The following SPAG16 variants were observed in gnomAD, a reference collection of about 807,000 sequenced individuals.
SPAG16 encodes sperm-associated antigen 16 protein.
SPAG16 carries 86 observed loss-of-function variants against 80.4 expected under a neutral mutation model. The observed-to-expected ratio is 1.07, with a 90% CI of 0.90 to 1.28. The LOEUF (loss-of-function observed/expected upper bound fraction) is 1.28. SPAG16 is among the 50% of genes most tolerant of loss of function. SPAG16 has a pLI of 0.00. For synonymous variants in SPAG16, 294 were observed against 265.9 expected (o/e 1.11, Z -1.03); for missense variants, 870 against 765.3 (o/e 1.14, Z -1.61).
chr2:213,307,512 A>G (rs1170496087), intron 3 of SPAG16, among the ~76,000 whole-genome samples: 2 of 141,898 alleles, frequency 1.4e-5, no homozygotes, highest in East Asian at 4.1e-4. Flanking sequence ...AATTTCATCC[A>G]TGTCCCTACA....
intron 10 of SPAG16, among the ~76,000 whole-genome samples, chr2:213,742,547 C>CTTTT (rs35850810): frequency 2.0e-4 from 5 of 24,810 alleles, no homozygotes; most frequent in African/African-American, 1.9e-4. Context: ...TTGCTTATTT[C>CTTTT]TTTTTTTTTT....
At chr2:213,791,298 A>G (rs539616861) in intron 10 of SPAG16, among the ~76,000 whole-genome samples, 6 of 152,142 alleles carry the variant, frequency 3.9e-5, no homozygotes, top group African/African-American at 1.4e-4. Flanking sequence ...GTTTGAAAAA[A>G]AAAACATAAA....
At chr2:213,836,162 A>C (rs1227896988) in intron 10 of SPAG16, among the ~76,000 whole-genome samples, 1 of 137,336 alleles carries the variant, frequency 7.3e-6, no homozygotes, top group Admixed American at 8.0e-5. Flanking sequence ...AAACTTAAGG[A>C]ATTTTCATTA....
chr2:213,476,506 C>G (rs530384948), intron 9 of SPAG16, among the ~76,000 whole-genome samples: 1 of 152,348 alleles, frequency 6.6e-6, no homozygotes, highest in South Asian at 2.1e-4. Context: ...ACTATCCACT[C>G]TTAACTGGCT....
At chr2:213,689,280 T>C (rs2064832039) in intron 10 of SPAG16, among the ~76,000 whole-genome samples, 1 of 152,210 alleles carries the variant, frequency 6.6e-6, no homozygotes, top group African/African-American at 2.4e-5. Flanking sequence ...TGTCTAATTT[T>C]ATCATCTGTG....
chr2:213,408,041 G>C (rs1174758587), intron 9 of SPAG16, among the ~76,000 whole-genome samples: 3 of 150,360 alleles, frequency 2.0e-5, no homozygotes, highest in Non-Finnish European at 4.4e-5. Context: ...GAGAGGCAGA[G>C]AGAGACAGGC....
At chr2:214,330,148 G>A (rs1327765619) in intron 15 of SPAG16, among the ~76,000 whole-genome samples, 1 of 151,550 alleles carries the variant, frequency 6.6e-6, no homozygotes, top group East Asian at 1.9e-4. Flanking sequence ...TTGGTGGCGG[G>A]TGCCTGTAAT....
At chr2:214,197,722 G>C (rs1266444449) in intron 15 of SPAG16, among the ~76,000 whole-genome samples, 1 of 151,536 alleles carries the variant, frequency 6.6e-6, no homozygotes, top group African/African-American at 2.4e-5. Flanking sequence ...TTACATTTTG[G>C]TACTTTTCAT....
At chr2:213,949,892 A>T (rs1325447710) in intron 12 of SPAG16, among the ~76,000 whole-genome samples, 1 of 152,178 alleles carries the variant, frequency 6.6e-6, no homozygotes, top group East Asian at 1.9e-4. Context: ...TCCTTTGGCA[A>T]ATCTTTCCTG....
chr2:213,891,967 T>C (rs1298232628), intron 11 of SPAG16, among the ~76,000 whole-genome samples: 2 of 152,016 alleles, frequency 1.3e-5, no homozygotes, highest in African/African-American at 4.8e-5. Context: ...GCATTACAAG[T>C]ACTTAAAGGG....
intron 15 of SPAG16, among the ~76,000 whole-genome samples, chr2:214,334,935 C>G (rs1270442739): frequency 6.6e-6 from 1 of 152,052 alleles, no homozygotes; most frequent in Non-Finnish European, 1.5e-5. Flanking sequence ...ATTCTGGTAC[C>G]AAATCTTTTA....
intron 10 of SPAG16, among the ~76,000 whole-genome samples, chr2:213,665,900 C>T (rs1170049039): frequency 2.0e-5 from 3 of 152,020 alleles, no homozygotes; most frequent in Non-Finnish European, 4.4e-5. Context: ...GAGAAATCAC[C>T]AGCAGAAAGC....
intron 15 of SPAG16, among the ~76,000 whole-genome samples, chr2:214,359,008 G>A: frequency 6.6e-6 from 1 of 151,882 alleles, no homozygotes; most frequent in Middle Eastern, 3.4e-3. Flanking sequence ...AGTTATAAGA[G>A]GAAAGAAAGG....
chr2:213,453,769 G>C (rs1303568357), intron 9 of SPAG16, among the ~76,000 whole-genome samples: 1 of 152,156 alleles, frequency 6.6e-6, no homozygotes, highest in African/African-American at 2.4e-5. Flanking sequence ...AGTAGAAAAA[G>C]GGAGTCGATG....
chr2:213,825,708 T>C (rs1266790133), intron 10 of SPAG16, among the ~76,000 whole-genome samples: 1 of 56,164 alleles, frequency 1.8e-5, no homozygotes, highest in Non-Finnish European at 4.8e-5. Flanking sequence ...TTTCTTTTTT[T>C]TTTTTTTTTT....
At chr2:213,487,728 A>C (rs1331360478) in intron 9 of SPAG16, among the ~76,000 whole-genome samples, 2 of 152,102 alleles carry the variant, frequency 1.3e-5, no homozygotes, top group African/African-American at 4.8e-5. Flanking sequence ...TTGGTTTAAC[A>C]ATGCTTATAA....
Position 213,817,247 on chromosome 2 carries a change from T to TATATC in SPAG16, c.1071-45234_1071-45233insCATAT, listed in dbSNP as rs531059567. On this transcript the variant is annotated intron_variant, in intron 10 of 15. Coordinates refer to ENST00000331683, the MANE Select transcript of SPAG16 (RefSeq NM_024532.5). ...ATATATATGCTTATATATATATACT[T>TATATC]ATATATATGATATATATATATATAT... Among the ~76,000 whole-genome samples, 1,115 of 143,318 alleles carry TATATC rather than the reference T, an allele frequency of 7.8e-3. 16 individuals are homozygous for TATATC. The highest frequency in any genetic ancestry group is 0.027 in the African/African-American group (1,008 of 37,714). 94.0% of individuals were successfully genotyped at this position (143,318 alleles called of 152,430 possible). A position where few individuals can be genotyped will look rare whatever the true frequency, so the allele number is the denominator to read the frequency against.
chr2:214,040,381 C>T (rs183360213), intron 13 of SPAG16, among the ~76,000 whole-genome samples: 48 of 152,230 alleles, frequency 3.2e-4, no homozygotes, highest in Non-Finnish European at 6.5e-4. Context: ...TTTGTTTCAT[C>T]ACCCAGTTAT....
At chr2:214,312,408 A>G (rs1008533862) in intron 15 of SPAG16, among the ~76,000 whole-genome samples, 2 of 152,198 alleles carry the variant, frequency 1.3e-5, no homozygotes, top group South Asian at 2.1e-4. Context: ...TTGAACATCA[A>G]TGGCTATGGA....
Sources: allele counts gnomAD v4.1 joint callset (sites outside exome capture counted in the v4.1 genomes callset), GRCh38; gene constraint gnomAD v4.1.1; transcripts MANE v1.5; gene names NCBI Gene and HGNC (gene_info 2026-07-23, HGNC 2026-07-21).